The following KHDRBS3 variants were observed in gnomAD, a reference collection of about 807,000 sequenced individuals.
KHDRBS3 encodes the protein KH domain-containing, RNA-binding, signal transduction-associated protein 3.
KHDRBS3 carries 23 observed loss-of-function variants against 45.6 expected under a neutral mutation model. The observed-to-expected ratio is 0.50, with a 90% confidence interval of 0.36 to 0.72. The LOEUF is 0.72. KHDRBS3 is among the 30% of genes least tolerant of loss of function. The pLI is 0.00. For missense variants in KHDRBS3, 352 were observed against 424.8 expected (o/e 0.83, Z 1.51); for synonymous variants, 162 against 156.5 (o/e 1.04, Z -0.26).
chr8:135,607,103 T>C, intron 7 of KHDRBS3, 66 bp downstream of exon 7: 1 of 1,304,648 alleles, frequency 7.7e-7, no homozygotes, highest in East Asian at 2.3e-5. Flanking sequence ...TCATATATTC[T>C]GGGAAAAGTA....
chr8:135,514,695 T>C (rs764206177), intron 1 of KHDRBS3, among the ~76,000 whole-genome samples: 2 of 152,128 alleles, frequency 1.3e-5, no homozygotes, highest in Admixed American at 6.5e-5. Flanking sequence ...AATTTTATGG[T>C]TTTTTTTAAT....
At chr8:135,512,988 G>A (rs9644457) in intron 1 of KHDRBS3, among the ~76,000 whole-genome samples, 84,809 of 151,334 alleles carry the variant, frequency 0.56, 24,546 homozygotes, top group East Asian at 0.78. Context: ...CGAGGCGGGC[G>A]GATGACAAGG....
chr8:135,458,448 C>G (rs1045559576), intron 1 of KHDRBS3: 9 of 222,034 alleles, frequency 4.1e-5, no homozygotes, highest in African/African-American at 1.4e-4. Flanking sequence ...GTTTGGGGAC[C>G]TTGGAAGAGG....
intron 3 of KHDRBS3, among the ~76,000 whole-genome samples, chr8:135,545,228 A>G (rs534268450): frequency 3.9e-5 from 6 of 152,198 alleles, no homozygotes; most frequent in African/African-American, 1.4e-4. Context: ...TATTCTCTGC[A>G]TGTTTGGTTA....
At chr8:135,552,643 G>A (rs1346828509) in intron 4 of KHDRBS3, among the ~76,000 whole-genome samples, 2 of 151,844 alleles carry the variant, frequency 1.3e-5, no homozygotes, top group African/African-American at 4.8e-5. Flanking sequence ...TTGCTGAGGT[G>A]TTTTTTAATT....
At chr8:135,631,021 G>T (rs749604787) in intron 7 of KHDRBS3, among the ~76,000 whole-genome samples, 25 of 152,290 alleles carry the variant, frequency 1.6e-4, no homozygotes, top group Non-Finnish European at 2.6e-4. Context: ...GGCCAAGGCA[G>T]GTGGATTGCC....
Position 135,557,457 on chromosome 8 carries a change from G to A in KHDRBS3, c.481G>A (p.Asp161Asn), listed in dbSNP as rs2130831492. ...TCTGTCTTTTGTGTAGGATTATAAT[G>A]ATGAGATCAGGCAAGCACAGCTCCA... ...IKKFLIPDYN[D>N]EIRQAQLQEL... is the part of the protein sequence containing the mutation. The change falls in exon 5 of 9, where the codon GAT becomes AAT. Residue 161 changes from aspartate to asparagine, a missense_variant. Asp to Asn is a conservative substitution (Grantham distance 23). Transcript: ENST00000355849. 2 of 1,608,828 alleles carry A rather than the reference G, an allele frequency of 1.2e-6. No individual in the cohort carries two copies. Among genetic ancestry groups the A allele is most frequent in the Non-Finnish European group, 1.7e-6 (2 of 1,176,064 alleles).
chr8:135,603,067 C>T (rs1829289245), intron 6 of KHDRBS3, among the ~76,000 whole-genome samples: 1 of 152,214 alleles, frequency 6.6e-6, no homozygotes, highest in Admixed American at 6.5e-5. Flanking sequence ...TAATTTCTAG[C>T]ATTGATACAC....
intron 1 of KHDRBS3, among the ~76,000 whole-genome samples, chr8:135,481,701 T>G (rs1488508995): frequency 6.6e-6 from 1 of 152,228 alleles, no homozygotes; most frequent in Non-Finnish European, 1.5e-5. Flanking sequence ...ACTTACATCG[T>G]CGACTAACGT....
intron 5 of KHDRBS3, among the ~76,000 whole-genome samples, chr8:135,564,830 C>T (rs1444337292): frequency 2.0e-5 from 3 of 151,896 alleles, no homozygotes; most frequent in Admixed American, 1.3e-4. Context: ...TCTTTTTGTT[C>T]ATTAGCAGGA....
intron 1 of KHDRBS3, among the ~76,000 whole-genome samples, chr8:135,500,381 A>C (rs28706772): frequency 0.038 from 5,773 of 152,276 alleles, 360 homozygotes; most frequent in African/African-American, 0.13. Flanking sequence ...GCCAAACAAC[A>C]AAACAAATTT....
downstream of KHDRBS3, among the ~76,000 whole-genome samples, chr8:135,648,858 A>C (rs1481880343): frequency 2.6e-5 from 4 of 152,142 alleles, no homozygotes; most frequent in Admixed American, 2.6e-4. Flanking sequence ...CTTTCTTCAG[A>C]AAATATCTAG....
intron 6 of KHDRBS3, among the ~76,000 whole-genome samples, chr8:135,586,288 A>G (rs1828469090): frequency 6.6e-6 from 1 of 151,392 alleles, no homozygotes; most frequent in Non-Finnish European, 1.5e-5. Flanking sequence ...TTCAAGGCCT[A>G]TGTTCTGTCT....
At chr8:135,599,161 T>A (rs1829097711) in intron 6 of KHDRBS3, among the ~76,000 whole-genome samples, 1 of 152,246 alleles carries the variant, frequency 6.6e-6, no homozygotes, top group Non-Finnish European at 1.5e-5. Context: ...TCCACCTGTG[T>A]AAGAACACAT....
At chr8:135,499,759 G>GGGA (rs1823639686) in intron 1 of KHDRBS3, among the ~76,000 whole-genome samples, 1 of 152,176 alleles carries the variant, frequency 6.6e-6, no homozygotes, top group Non-Finnish European at 1.5e-5. Context: ...CCTGCCAGGA[G>GGGA]GGAGGAGGTT....
chr8:135,599,095 T>C (rs1829094568), intron 6 of KHDRBS3, among the ~76,000 whole-genome samples: 1 of 152,226 alleles, frequency 6.6e-6, no homozygotes, highest in African/African-American at 2.4e-5. Flanking sequence ...ATTTCTCTGT[T>C]GTTTGGCCAC....
intron 1 of KHDRBS3, among the ~76,000 whole-genome samples, chr8:135,463,094 T>TAA: frequency 6.6e-6 from 1 of 152,300 alleles, no homozygotes; most frequent in South Asian, 2.1e-4. Flanking sequence ...CTGGTGCTCT[T>TAA]ACGGTGTGAT....
intron 7 of KHDRBS3, among the ~76,000 whole-genome samples, chr8:135,610,815 G>A (rs1235547607): frequency 2.6e-5 from 4 of 151,798 alleles, no homozygotes; most frequent in Admixed American, 2.6e-4. Context: ...ACATAATTGT[G>A]TAGGGCTGAA....
At chr8:135,579,575 G>C (rs1012869992) in intron 5 of KHDRBS3, among the ~76,000 whole-genome samples, 1 of 152,170 alleles carries the variant, frequency 6.6e-6, no homozygotes, top group African/African-American at 2.4e-5. Flanking sequence ...GATCTCAAGT[G>C]ATCCACCCAT....
Sources: allele counts gnomAD v4.1 joint callset (sites outside exome capture counted in the v4.1 genomes callset), GRCh38; gene constraint gnomAD v4.1.1; transcripts MANE v1.5; gene names NCBI Gene and HGNC (gene_info 2026-07-23, HGNC 2026-07-21).